Variants in SHROOM2 observed in about 807,000 individuals in gnomAD.
SHROOM2 encodes shroom family member 2.
SHROOM2 carries 33 observed loss-of-function variants against 75.9 expected under a neutral mutation model. The ratio of observed to expected loss-of-function variants is 0.43; its 90% confidence interval spans 0.33 to 0.58. SHROOM2 has a LOEUF of 0.58. SHROOM2 is among the 20% of genes least tolerant of loss of function. The probability of loss-of-function intolerance (pLI) is 0.04; values close to 1 mark genes in which losing one functional copy is unlikely to be tolerated. For missense variants in SHROOM2, 1,434 were observed against 1,461.2 expected, an observed-to-expected ratio of 0.98 and a Z score of 0.30; for synonymous variants, 655 against 663.6, an observed-to-expected ratio of 0.99 and a Z score of 0.20.
chrX:9,811,183 A>G (rs2083789770), intron 1 of SHROOM2, among the ~76,000 whole-genome samples: 1 of 111,914 alleles, frequency 8.9e-6, no homozygotes, highest in Non-Finnish European at 1.9e-5. Context: ...ACCCTGAGGA[A>G]TGGTGCCATA....
At chrX:9,901,813 C>T (rs998617785) in intron 5 of SHROOM2, among the ~76,000 whole-genome samples, 1 of 112,128 alleles carries the variant, frequency 8.9e-6, no homozygotes. Flanking sequence ...TGGGCTGGAC[C>T]GTTGGCTCCT....
At chrX:9,887,492 A>G (rs2084267302) in intron 2 of SHROOM2, among the ~76,000 whole-genome samples, 1 of 112,220 alleles carries the variant, frequency 8.9e-6, no homozygotes, top group African/African-American at 3.2e-5. Flanking sequence ...ACAAAAAATA[A>G]AAAATTAAAA....
intron 5 of SHROOM2, among the ~76,000 whole-genome samples, chrX:9,914,548 G>C (rs1427717750): frequency 9.0e-6 from 1 of 110,962 alleles, no homozygotes; most frequent in Non-Finnish European, 1.9e-5. Flanking sequence ...TTTTCCTAGA[G>C]CAAGTAAGAC....
intron 3 of SHROOM2, among the ~76,000 whole-genome samples, chrX:9,891,718 T>TTG (rs992882297): frequency 1.8e-5 from 2 of 109,876 alleles, no homozygotes; most frequent in Non-Finnish European, 3.8e-5. Flanking sequence ...TTCTACACGT[T>TTG]TGTGTGTGTG....
intron 5 of SHROOM2, among the ~76,000 whole-genome samples, chrX:9,920,425 G>A (rs1049295787): frequency 1.8e-5 from 2 of 112,004 alleles, no homozygotes; most frequent in Non-Finnish European, 3.8e-5. Context: ...AGGGAACAAG[G>A]TGTAAGGTAA....
chrX:9,896,365 C>G lies in SHROOM2; in HGVS notation c.2457C>G (p.His819Gln). ...GGCCTGCCCAGAAGCAAGCTCTTCA[C>G]GGAATCCCGAGAGACAAGCCAGAGA... is the stretch of plus-strand genomic sequence containing the variant. ...PQRPAQKQAL[H>Q]GIPRDKPERP... is the part of the protein sequence containing the mutation. The change falls in exon 4 of 10, where the codon CAC becomes CAG. Residue 819 changes from histidine (H) to glutamine (Q), a missense_variant. By Grantham distance (24) the His-to-Gln change is conservative. Coordinates refer to ENST00000380913, the MANE Select transcript of SHROOM2 (RefSeq NM_001649.4). 2 of 1,212,348 alleles carry G rather than the reference C, an allele frequency of 1.6e-6. No individual in the cohort carries two copies. Among genetic ancestry groups the G allele is most frequent in the Non-Finnish European group, 2.2e-6 (2 of 895,655 alleles).
intron 3 of SHROOM2, among the ~76,000 whole-genome samples, chrX:9,893,164 G>A (rs761450125): frequency 4.8e-4 from 53 of 111,444 alleles, no homozygotes; most frequent in Non-Finnish European, 9.0e-4. Context: ...GTGCAGTGGC[G>A]CAGTCACAGC....
At chrX:9,901,224 A>T (rs1398170383) in intron 5 of SHROOM2, among the ~76,000 whole-genome samples, 1 of 111,121 alleles carries the variant, frequency 9.0e-6, no homozygotes, top group Non-Finnish European at 1.9e-5. Context: ...AGCCCTCCCC[A>T]ATGGCCCTAA....
At chrX:9,945,667 G>A (rs887606345) in intron 9 of SHROOM2, among the ~76,000 whole-genome samples, 3 of 111,576 alleles carry the variant, frequency 2.7e-5, no homozygotes, top group Non-Finnish European at 5.6e-5. Context: ...CTCAATGATA[G>A]CTATTTTCTT....
chrX:9,932,700 G>C lies in SHROOM2; in HGVS notation c.3417G>C (p.Val1139=), dbSNP rs1034087943. 1.7e-5 allele frequency: 20 copies of C among 1,211,392 alleles called. No homozygotes were observed. Among genetic ancestry groups the C allele is most frequent in the Non-Finnish European group, 2.1e-5 (19 of 895,495 alleles). Residue 1139 remains valine, a synonymous_variant, in exon 6 of 10, where the codon GTG becomes GTC. Transcript: ENST00000380913. ...ATVCERGSQH[V]SGDASRPLPE... ...TCTGTGAGCGTGGAAGCCAGCATGT[G>C]AGCGGGGACGCATCACGTCCTCTGC...
chrX:9,842,270 G>T (rs1434632721), intron 1 of SHROOM2, among the ~76,000 whole-genome samples: 1 of 112,330 alleles, frequency 8.9e-6, no homozygotes, highest in Non-Finnish European at 1.9e-5. Flanking sequence ...CACGATTGCT[G>T]CATTTAGAAA....
At chrX:9,936,076 T>A (rs1196719587) in intron 6 of SHROOM2, among the ~76,000 whole-genome samples, 3 of 109,942 alleles carry the variant, frequency 2.7e-5, no homozygotes, top group Non-Finnish European at 3.8e-5. Flanking sequence ...TTTAGGTACC[T>A]CTCTAGTCCC....
intron 1 of SHROOM2, among the ~76,000 whole-genome samples, chrX:9,838,695 G>C (rs942951959): frequency 8.9e-6 from 1 of 112,046 alleles, no homozygotes; most frequent in East Asian, 2.8e-4. Context: ...AATAAGAGAA[G>C]TTGAAGACAG....
chrX:9,818,017 T>A (rs772719645), intron 1 of SHROOM2, among the ~76,000 whole-genome samples: 1 of 112,360 alleles, frequency 8.9e-6, no homozygotes, highest in African/African-American at 3.2e-5. Context: ...AAAAGAAACA[T>A]GCTATAAATA....
In SHROOM2 at chrX:9,937,580, A is replaced by G. The variant is rs2084726790; in HGVS notation, c.4034A>G (p.Asp1345Gly). The G allele has an allele frequency of 8.3e-7, 1 of 1,209,585 alleles. No individual in the cohort carries two copies. The highest frequency in any genetic ancestry group is 1.7e-5 in the African/African-American group (1 of 57,259). Residue 1345 changes from aspartate to glycine, a missense_variant, in exon 7 of 10, where the codon GAC becomes GGC. Around this residue, in one of 3 missense-constraint regions of SHROOM2, gnomAD observed 1,340 missense variants for 1,338.3 expected, o/e 1.00. Transcript: ENST00000380913. ...DPSVKIKTTMDLMEGIFPKDE... is the reference protein window; with the variant it reads ...DPSVKIKTTMGLMEGIFPKDE... ...AGTGTGAAGATCAAAACCACTATGG[A>G]CTTGATGGAAGGCATCTTCCCCAAA...
chrX:9,839,073 A>G (rs1474385411), intron 1 of SHROOM2, among the ~76,000 whole-genome samples: 1 of 111,080 alleles, frequency 9.0e-6, no homozygotes, highest in East Asian at 2.8e-4. Context: ...GAACTGTGTC[A>G]TTTTCTTGAC....
At chrX:9,855,101 T>C (rs1183262579) in intron 1 of SHROOM2, among the ~76,000 whole-genome samples, 2 of 106,838 alleles carry the variant, frequency 1.9e-5, no homozygotes, top group Non-Finnish European at 3.9e-5. Context: ...ATCCTCATTG[T>C]TCAACTCCTG....
Position 9,948,739 on chromosome X carries a change from A to C in SHROOM2, c.*1802A>C, listed in dbSNP as rs916782365. On this transcript the variant is annotated 3_prime_UTR_variant, in exon 10 of 10. Transcript: ENST00000380913. The stretch of plus-strand genomic sequence containing the variant: ...CAAAAGTGTGTATTCCTGTTAAATT[A>C]AGCTCTTGCTAACTTGAAAAATCCC... 8.8e-6 allele frequency: 1 copy of C among 113,087 alleles called. No individual in the cohort carries two copies. Among genetic ancestry groups the C allele is most frequent in the Non-Finnish European group, 1.9e-5 (1 of 53,577 alleles). 9.3% of individuals were successfully genotyped at this position (113,087 alleles called of 1,213,427 possible).
At chrX:9,789,547 G>GT (rs1422244302) in intron 1 of SHROOM2, among the ~76,000 whole-genome samples, 3 of 111,413 alleles carry the variant, frequency 2.7e-5, no homozygotes, top group African/African-American at 9.8e-5. Context: ...ATCCTGGTGG[G>GT]TTTTTTGCAT....
Sources: gnomAD v4.1 joint callset for allele counts (sites outside exome capture counted in the v4.1 genomes callset) on GRCh38, gnomAD v4.1.1 for gene constraint, gnomAD v4.1.1 regional missense constraint, MANE v1.5 for transcripts, NCBI Gene and HGNC (gene_info 2026-07-23, HGNC 2026-07-21) for gene names.